The following NAALADL2 variants were observed in gnomAD, a reference collection of about 807,000 sequenced individuals.
NAALADL2 encodes N-acetylated alpha-linked acidic dipeptidase like 2.
Under a neutral mutation model 87.2 loss-of-function variants are expected in NAALADL2, and 76 were observed. The ratio of observed to expected loss-of-function variants is 0.87; its 90% CI spans 0.72 to 1.05. NAALADL2 has a LOEUF of 1.05. Ranked by LOEUF, NAALADL2 falls within the 50% of genes least tolerant of loss-of-function variation. The pLI is 0.00. For synonymous variants in NAALADL2, 354 were observed against 331.0 expected (o/e 1.07, Z -0.75); for missense variants, 1,089 against 945.8 (o/e 1.15, Z -1.99).
At chr3:174,673,927 A>G (rs1433228422) in intron 2 of NAALADL2, among the ~76,000 whole-genome samples, 1 of 127,348 alleles carries the variant, frequency 7.9e-6, no homozygotes, top group African/African-American at 2.8e-5. Context: ...ATAAATTTGA[A>G]AAAATGTTAT....
chr3:175,661,661 A>G (rs1732275257), intron 11 of NAALADL2, among the ~76,000 whole-genome samples: 1 of 151,790 alleles, frequency 6.6e-6, no homozygotes, highest in Non-Finnish European at 1.5e-5. Context: ...TTTTGAGTTG[A>G]TATTTGTGTA....
At chr3:175,180,517 C>T (rs970416259) in intron 2 of NAALADL2, among the ~76,000 whole-genome samples, 11 of 151,864 alleles carry the variant, frequency 7.2e-5, no homozygotes, top group Non-Finnish European at 4.4e-5. Flanking sequence ...ATAATGAAAT[C>T]AAGAATGAAG....
intron 5 of NAALADL2, among the ~76,000 whole-genome samples, chr3:175,436,295 A>G (rs898614214): frequency 1.4e-5 from 2 of 148,126 alleles, no homozygotes; most frequent in Admixed American, 6.9e-5. Flanking sequence ...ATTGTGAATA[A>G]TGCCGCAATA....
chr3:175,111,825 G>A (rs946877626), intron 2 of NAALADL2, among the ~76,000 whole-genome samples: 3 of 151,482 alleles, frequency 2.0e-5, no homozygotes, highest in African/African-American at 7.3e-5. Flanking sequence ...ATTTTGGTAC[G>A]GGCATTTCAT....
intron 11 of NAALADL2, among the ~76,000 whole-genome samples, chr3:175,715,147 A>C (rs1186702821): frequency 1.3e-5 from 2 of 152,138 alleles, no homozygotes; most frequent in Non-Finnish European, 2.9e-5. Context: ...ATCATCTCTT[A>C]TGGAGTAAAA....
At chr3:175,158,527 C>G (rs1732660860) in intron 2 of NAALADL2, among the ~76,000 whole-genome samples, 1 of 151,926 alleles carries the variant, frequency 6.6e-6, no homozygotes, top group African/African-American at 2.4e-5. Flanking sequence ...AATATTTTCT[C>G]TGAATGTAGT....
intron 9 of NAALADL2, among the ~76,000 whole-genome samples, chr3:175,492,964 C>T (rs1728308881): frequency 6.6e-6 from 1 of 151,842 alleles, no homozygotes; most frequent in Admixed American, 6.6e-5. Context: ...AAAATAGGTT[C>T]ATGATACATT....
In NAALADL2 at chr3:175,803,192, G is replaced by A. The variant is rs1275744361; in HGVS notation, c.2377G>A (p.Gly793Arg). ...TGATGTGTTCAAGAGTGTCTTGGATGGGAAGAATTGAGAAAACTCTGAGCA... is the reference window on the plus strand; with the variant it reads ...TGATGTGTTCAAGAGTGTCTTGGATAGGAAGAATTGAGAAAACTCTGAGCA... ...GLDVFKSVLD[G>R]KN Residue 793 changes from glycine (G) to arginine (R), a missense_variant, in exon 14 of 14, where the codon GGG becomes AGG. Coordinates refer to ENST00000454872, the MANE Select transcript of NAALADL2 (RefSeq NM_207015.3). 2 of 1,596,318 alleles carry A rather than the reference G, an allele frequency of 1.3e-6. No individual in the cohort carries two copies.
intron 1 of NAALADL2, among the ~76,000 whole-genome samples, chr3:174,542,662 C>G (rs921023963): frequency 4.6e-5 from 7 of 152,120 alleles, no homozygotes; most frequent in Non-Finnish European, 1.5e-5. Flanking sequence ...GGGGTCAATT[C>G]CCTGGTTATA....
At chr3:175,780,941 C>G (rs1054880614) in intron 13 of NAALADL2, among the ~76,000 whole-genome samples, 4 of 152,090 alleles carry the variant, frequency 2.6e-5, no homozygotes, top group Admixed American at 6.5e-5. Flanking sequence ...CTTTAATAAT[C>G]TTATTTATTT....
intron 2 of NAALADL2, among the ~76,000 whole-genome samples, chr3:175,135,604 C>T (rs577295704): frequency 1.5e-4 from 23 of 152,142 alleles, no homozygotes; most frequent in Admixed American, 3.3e-4. Context: ...ATGTTGATTT[C>T]AAAACCTAAA....
chr3:174,776,671 C>T (rs1715248199), intron 3 of NAALADL2, among the ~76,000 whole-genome samples: 1 of 152,084 alleles, frequency 6.6e-6, no homozygotes, highest in African/African-American at 2.4e-5. Flanking sequence ...TGCTCAGGCA[C>T]ATATTGCTTT....
chr3:175,332,067 A>C (rs1761467385), intron 5 of NAALADL2, among the ~76,000 whole-genome samples: 1 of 152,216 alleles, frequency 6.6e-6, no homozygotes, highest in African/African-American at 2.4e-5. Flanking sequence ...TACTGATGAA[A>C]TAAACTGAAG....
At chr3:175,437,002 T>C (rs1718785577) in intron 5 of NAALADL2, among the ~76,000 whole-genome samples, 1 of 121,192 alleles carries the variant, frequency 8.3e-6, no homozygotes, top group Admixed American at 9.4e-5. Context: ...TTTAAATCTT[T>C]AATCCATCTT....
At chr3:175,024,072 GT>G (rs934197174) in intron 1 of NAALADL2, among the ~76,000 whole-genome samples, 1 of 151,444 alleles carries the variant, frequency 6.6e-6, no homozygotes, top group African/African-American at 2.4e-5. Flanking sequence ...CTACCCTTTA[GT>G]TTTTTCTCCT....
chr3:174,911,127 C>T (rs1206900545), intron 1 of NAALADL2, among the ~76,000 whole-genome samples: 1 of 152,072 alleles, frequency 6.6e-6, no homozygotes, highest in Non-Finnish European at 1.5e-5. Context: ...AACGTATTTT[C>T]TGAAGTGGAT....
intron 1 of NAALADL2, among the ~76,000 whole-genome samples, chr3:174,864,682 T>C (rs1202637445): frequency 6.6e-6 from 1 of 152,236 alleles, no homozygotes; most frequent in South Asian, 2.1e-4. Flanking sequence ...AAAGATGCAG[T>C]AATAATCTTA....
chr3:175,064,463 C>G (rs1438535799), intron 1 of NAALADL2, among the ~76,000 whole-genome samples: 1 of 152,104 alleles, frequency 6.6e-6, no homozygotes, highest in Non-Finnish European at 1.5e-5. Flanking sequence ...GGCTGGCATC[C>G]AGGGCGCCTT....
intron 3 of NAALADL2, among the ~76,000 whole-genome samples, chr3:174,828,806 A>G (rs1437743777): frequency 6.6e-6 from 1 of 152,174 alleles, no homozygotes; most frequent in Non-Finnish European, 1.5e-5. Context: ...TGACTTTCCT[A>G]GTTGGAGCTA....
Sources: gnomAD v4.1 joint callset for allele counts (sites outside exome capture counted in the v4.1 genomes callset) on GRCh38, gnomAD v4.1.1 for gene constraint, MANE v1.5 for transcripts, NCBI Gene and HGNC (gene_info 2026-07-23, HGNC 2026-07-21) for gene names.